Variants in PRR5 observed in about 807,000 individuals in gnomAD.
The protein encoded by PRR5 is proline-rich protein 5.
Under a neutral mutation model 30.6 loss-of-function variants are expected in PRR5, and 25 were observed. The ratio of observed to expected loss-of-function variants is 0.82; its 90% confidence interval spans 0.60 to 1.14. The LOEUF is 1.14. Among genes scored for constraint, PRR5 ranks in the 50% most tolerant of loss-of-function variants. The probability of loss-of-function intolerance (pLI) is 0.00; values close to 1 mark genes in which losing one functional copy is unlikely to be tolerated. For synonymous variants in PRR5, 286 were observed against 247.1 expected, an observed-to-expected ratio of 1.16 and a Z score of -1.48; for missense variants, 600 against 547.1, an observed-to-expected ratio of 1.10 and a Z score of -0.96.
intron 2 of PRR5, among the ~76,000 whole-genome samples, chr22:44,721,750 G>A (rs751001029): frequency 5.3e-5 from 8 of 152,274 alleles, no homozygotes; most frequent in East Asian, 1.9e-4. Flanking sequence ...CAAGGGTGCC[G>A]AGGCCCAGAC....
chr22:44,701,769 C>T (rs779031663), upstream of PRR5, among the ~76,000 whole-genome samples: 1 of 152,218 alleles, frequency 6.6e-6, no homozygotes, highest in Non-Finnish European at 1.5e-5. Context: ...AAGGCCTCTA[C>T]CCAAAGTCCT....
chr22:44,704,764 T>A (rs1926918872), intron 1 of PRR5, among the ~76,000 whole-genome samples: 1 of 149,574 alleles, frequency 6.7e-6, no homozygotes, highest in African/African-American at 2.5e-5. Context: ...CCAGGAGACA[T>A]GCCCAGCTCA....
intron 1 of PRR5, among the ~76,000 whole-genome samples, chr22:44,705,770 G>A (rs574576093): frequency 4.6e-5 from 7 of 151,686 alleles, no homozygotes; most frequent in South Asian, 4.2e-4. Context: ...GATTACAGGC[G>A]TGCACCACCA....
chr22:44,703,318 A>T (rs556743975), intron 1 of PRR5, among the ~76,000 whole-genome samples: 2 of 141,784 alleles, frequency 1.4e-5, no homozygotes, highest in South Asian at 4.8e-4. Context: ...CGCGGGAGGC[A>T]GTGGACACTG....
chr22:44,727,183 G>T (rs1348914988), intron 4 of PRR5, among the ~76,000 whole-genome samples: 1 of 152,120 alleles, frequency 6.6e-6, no homozygotes, highest in African/African-American at 2.4e-5. Flanking sequence ...TCAAACCCAG[G>T]TCTGCCTGAC....
Position 44,725,369 on chromosome 22 carries a change from G to A in PRR5, c.264+77G>A, listed in dbSNP as rs189514586. 86 of 1,590,752 alleles carry A rather than the reference G, an allele frequency of 5.4e-5. No homozygotes were observed. The African/African-American group carries it at 7.1e-4, about 13-fold the overall frequency. ...AAAGCACAGGGGCTCACCTGCCCCC[G>A]GGGGTGTGGAGCGCCGGCTCCCCCA... On this transcript the variant is annotated intron_variant, in intron 3 of 7. Transcript: ENST00000336985.
At chr22:44,735,186 G>A (rs368017979) in intron 7 of PRR5, 24 bp downstream of exon 7, 1 of 1,606,352 alleles carries the variant, frequency 6.2e-7, no homozygotes, top group Non-Finnish European at 8.5e-7. Context: ...TGGGCCTTGG[G>A]CTGGGGCAGG....
intron 2 of PRR5, among the ~76,000 whole-genome samples, chr22:44,722,671 T>G (rs1438956732): frequency 6.6e-6 from 1 of 152,180 alleles, no homozygotes; most frequent in Non-Finnish European, 1.5e-5. Flanking sequence ...TCACTGTGTT[T>G]GGGGGGATGG....
chr22:44,711,220 C>T (rs1055005111), intron 1 of PRR5, among the ~76,000 whole-genome samples: 6 of 152,088 alleles, frequency 3.9e-5, no homozygotes, highest in South Asian at 2.1e-4. Flanking sequence ...CCAGGTGGGG[C>T]GTCAGGAGGT....
At chr22:44,730,667 T>C in intron 4 of PRR5, 1 of 1,038,928 alleles carries the variant, frequency 9.6e-7, no homozygotes, top group Non-Finnish European at 1.2e-6. Flanking sequence ...CCAGCTCCTA[T>C]AGCCAGCTTG....
chr22:44,669,619 A>AT (rs1923308280), intron 1 of PRR5, among the ~76,000 whole-genome samples: 2 of 152,070 alleles, frequency 1.3e-5, no homozygotes, highest in Non-Finnish European at 2.9e-5. Context: ...GCTTTCTAAG[A>AT]TTTTTTCCAC....
At chr22:44,686,068 C>T (rs771602158) in intron 1 of PRR5, among the ~76,000 whole-genome samples, 2 of 152,136 alleles carry the variant, frequency 1.3e-5, no homozygotes, top group Non-Finnish European at 2.9e-5. Flanking sequence ...GGCTGGCCAA[C>T]ATGGTGAAAC....
At chr22:44,697,569 G>T (rs1925870175), upstream of PRR5, among the ~76,000 whole-genome samples, 1 of 152,220 alleles carries the variant, frequency 6.6e-6, no homozygotes. Flanking sequence ...GGCTTTGAGG[G>T]AACACCAGGC....
At chr22:44,696,469 T>G (rs200263447) in intron 1 of PRR5, among the ~76,000 whole-genome samples, 1 of 152,190 alleles carries the variant, frequency 6.6e-6, no homozygotes, top group East Asian at 1.9e-4. Context: ...GAGAATCTTA[T>G]GCAGGTGCAT....
intron 1 of PRR5, among the ~76,000 whole-genome samples, chr22:44,678,692 C>T (rs1923992126): frequency 6.6e-6 from 1 of 152,192 alleles, no homozygotes; most frequent in Non-Finnish European, 1.5e-5. Flanking sequence ...CACCGCAGGC[C>T]AGGCGGACCC....
At chr22:44,687,857 C>G (rs1423800575) in intron 1 of PRR5, among the ~76,000 whole-genome samples, 1 of 152,120 alleles carries the variant, frequency 6.6e-6, no homozygotes, top group African/African-American at 2.4e-5. Flanking sequence ...TCACTGCAAC[C>G]TCCGCCTCCC....
At chr22:44,731,041 T>A in intron 4 of PRR5, 1 of 302,864 alleles carries the variant, frequency 3.3e-6, no homozygotes, top group Non-Finnish European at 7.1e-6. Context: ...GCAGATAGTG[T>A]GGGGGAAGGA....
At position 44,725,365 on chromosome 22, in the gene PRR5, C is replaced by T. The variant is rs552541978; in HGVS notation, c.264+73C>T. 4.8e-5 allele frequency: 77 copies of T among 1,594,598 alleles called. 1 individual carries two copies. In the South Asian group the frequency reaches 6.4e-4, roughly 13 times the overall value. ...CCAGAAAGCACAGGGGCTCACCTGC[C>T]CCCGGGGGTGTGGAGCGCCGGCTCC... On this transcript the variant is annotated intron_variant, in intron 3 of 7. Transcript: ENST00000336985.
intron 2 of PRR5, among the ~76,000 whole-genome samples, chr22:44,720,573 C>G (rs1403047715): frequency 6.6e-6 from 1 of 152,164 alleles, no homozygotes; most frequent in South Asian, 2.1e-4. Context: ...GTTGCCCGTC[C>G]GTTTAGCATT....
Sources: allele counts gnomAD v4.1 joint callset (sites outside exome capture counted in the v4.1 genomes callset), GRCh38; gene constraint gnomAD v4.1.1; transcripts MANE v1.5; gene names NCBI Gene and HGNC (gene_info 2026-07-23, HGNC 2026-07-21).